The following ARHGAP26 variants were observed in gnomAD, a reference collection of about 807,000 sequenced individuals.
ARHGAP26 encodes the protein Rho GTPase activating protein 26.
Under a neutral mutation model 104.8 loss-of-function variants are expected in ARHGAP26, and 38 were observed. That is an observed-to-expected ratio of 0.36 (90% CI 0.28 to 0.48). The LOEUF (loss-of-function observed/expected upper bound fraction) is 0.48. Among genes scored for constraint, ARHGAP26 ranks in the 20% least tolerant of loss-of-function variants. ARHGAP26 has a pLI of 0.99. For missense variants in ARHGAP26, 704 were observed against 947.9 expected (o/e 0.74, Z 3.38); for synonymous variants, 341 against 340.0 (o/e 1.00, Z -0.03).
At chr5:143,141,909 C>T (rs189400252) in intron 19 of ARHGAP26, among the ~76,000 whole-genome samples, 1 of 152,198 alleles carries the variant, frequency 6.6e-6, no homozygotes, top group African/African-American at 2.4e-5. Context: ...TGGATCAGTG[C>T]AATCCCAGGC....
intron 1 of ARHGAP26, among the ~76,000 whole-genome samples, chr5:142,843,552 T>C (rs1393285840): frequency 2.0e-5 from 3 of 152,214 alleles, no homozygotes; most frequent in Non-Finnish European, 4.4e-5. Flanking sequence ...CTCAGTGACA[T>C]ACCTATGGAG....
intron 11 of ARHGAP26, among the ~76,000 whole-genome samples, chr5:143,005,363 C>G (rs1331339353): frequency 6.6e-6 from 1 of 152,228 alleles, no homozygotes; most frequent in Non-Finnish European, 1.5e-5. Context: ...AACACAAGGC[C>G]TCATTTCCCA....
intron 11 of ARHGAP26, among the ~76,000 whole-genome samples, chr5:142,966,117 G>C (rs1383764891): frequency 6.6e-6 from 1 of 152,170 alleles, no homozygotes; most frequent in South Asian, 2.1e-4. Flanking sequence ...ACAGAAAAGA[G>C]TCAAATATTG....
intron 21 of ARHGAP26, among the ~76,000 whole-genome samples, chr5:143,208,276 C>G (rs1808906812): frequency 6.6e-6 from 1 of 152,220 alleles, no homozygotes; most frequent in African/African-American, 2.4e-5. Context: ...GTGCTTCTCT[C>G]TCAAGCTTAG....
chr5:142,827,414 T>A (rs369513011), intron 1 of ARHGAP26, among the ~76,000 whole-genome samples: 41 of 152,244 alleles, frequency 2.7e-4, no homozygotes, highest in African/African-American at 9.9e-4. Flanking sequence ...AGTTTTCTTG[T>A]CTTGGCACAG....
intron 19 of ARHGAP26, among the ~76,000 whole-genome samples, chr5:143,144,549 G>C (rs575306790): frequency 6.6e-6 from 1 of 152,142 alleles, no homozygotes; most frequent in Admixed American, 6.6e-5. Flanking sequence ...GGGACCACAG[G>C]TGTGTACCAC....
intron 11 of ARHGAP26, among the ~76,000 whole-genome samples, chr5:142,936,008 G>A (rs1352118856): frequency 6.6e-6 from 1 of 151,972 alleles, no homozygotes; most frequent in East Asian, 1.9e-4. Flanking sequence ...CAGTGCAGTA[G>A]GGCAAGAAAT....
At chr5:143,193,529 C>T (rs868315032) in intron 20 of ARHGAP26, among the ~76,000 whole-genome samples, 3 of 152,194 alleles carry the variant, frequency 2.0e-5, no homozygotes, top group South Asian at 2.1e-4. Flanking sequence ...GGATTACAGG[C>T]GTGAGCCACC....
chr5:142,923,880 G>A (rs11388554), intron 10 of ARHGAP26, among the ~76,000 whole-genome samples: 44 of 12,636 alleles, frequency 3.5e-3, no homozygotes, highest in African/African-American at 0.013. Context: ...TTTTTTTTTT[G>A]ATACGGAGTC....
At chr5:143,150,925 T>G (rs187532056) in intron 20 of ARHGAP26, among the ~76,000 whole-genome samples, 148 of 152,364 alleles carry the variant, frequency 9.7e-4, no homozygotes, top group Non-Finnish European at 1.6e-3. Context: ...TAAGTTGGAC[T>G]GTGTTTAAAC....
At chr5:142,873,861 G>A (rs1477117358) in intron 2 of ARHGAP26, among the ~76,000 whole-genome samples, 4 of 152,168 alleles carry the variant, frequency 2.6e-5, no homozygotes, top group Non-Finnish European at 4.4e-5. Context: ...TAGATCAGAG[G>A]TTGCAAAATA....
intron 11 of ARHGAP26, among the ~76,000 whole-genome samples, chr5:142,956,938 A>G (rs976742145): frequency 2.6e-5 from 4 of 152,200 alleles, no homozygotes; most frequent in East Asian, 1.9e-4. Flanking sequence ...TCGTGATTCA[A>G]TTATCTCCCC....
chr5:143,218,783 A>G (rs1296000052), intron 22 of ARHGAP26, among the ~76,000 whole-genome samples: 5 of 152,246 alleles, frequency 3.3e-5, no homozygotes, highest in Non-Finnish European at 7.3e-5. Flanking sequence ...ATTCAGCCCA[A>G]CAAGCACTTA....
rs915426854 is a variant in ARHGAP26 at position 143,103,953 on chromosome 5, A to G, written c.1539-17035A>G. ...TAAAGTATAATAAAAATATATATAT[A>G]TACACACAATGGAATATTATTCAAC... On this transcript the variant is annotated intron_variant, in intron 17 of 22. Transcript: ENST00000645722. 1.1e-4 allele frequency among the ~76,000 whole-genome samples: 16 copies of G among 152,096 alleles called. No homozygotes were observed. The East Asian group carries it at 2.9e-3, about 27-fold the overall frequency.
intron 1 of ARHGAP26, among the ~76,000 whole-genome samples, chr5:142,844,056 T>TC: frequency 6.6e-6 from 1 of 151,510 alleles, no homozygotes; most frequent in East Asian, 1.9e-4. Flanking sequence ...AGTGAGTTTT[T>TC]TTTTTTTTTT....
At chr5:142,938,295 A>C (rs1765740463) in intron 11 of ARHGAP26, among the ~76,000 whole-genome samples, 2 of 152,228 alleles carry the variant, frequency 1.3e-5, no homozygotes, top group Non-Finnish European at 2.9e-5. Flanking sequence ...AAAGCTTTGA[A>C]ATGATTCTGC....
At chr5:143,138,668 A>T (rs565343377) in intron 19 of ARHGAP26, among the ~76,000 whole-genome samples, 18 of 152,328 alleles carry the variant, frequency 1.2e-4, no homozygotes, top group African/African-American at 4.3e-4. Flanking sequence ...TGATTTAGCC[A>T]AACTGAACCT....
At chr5:143,115,316 A>G (rs879933537) in intron 17 of ARHGAP26, among the ~76,000 whole-genome samples, 5 of 149,764 alleles carry the variant, frequency 3.3e-5, no homozygotes, top group Non-Finnish European at 4.4e-5. Flanking sequence ...CTGCACGACA[A>G]GAGTGAAACT....
chr5:143,184,144 C>T (rs930112905), intron 20 of ARHGAP26, among the ~76,000 whole-genome samples: 3 of 152,144 alleles, frequency 2.0e-5, no homozygotes, highest in Non-Finnish European at 4.4e-5. Flanking sequence ...ACAAATAAAC[C>T]TTGGACCAGA....
Sources: allele counts gnomAD v4.1 joint callset (sites outside exome capture counted in the v4.1 genomes callset), GRCh38; gene constraint gnomAD v4.1.1; transcripts MANE v1.5; gene names NCBI Gene and HGNC (gene_info 2026-07-23, HGNC 2026-07-21).